WDR7: variants seen among roughly 807,000 people sequenced by gnomAD.
WDR7 encodes WD repeat domain 7.
In WDR7, 46 loss-of-function variants were observed where a neutral mutation model predicts 169.4. The ratio of observed to expected loss-of-function variants is 0.27; its 90% CI spans 0.21 to 0.35. The LOEUF (loss-of-function observed/expected upper bound fraction) is 0.35, where lower values mean the gene tolerates loss of function less well. Ranked by LOEUF, WDR7 falls within the 10% of genes least tolerant of loss-of-function variation. The pLI, the probability that WDR7 is intolerant of heterozygous loss-of-function variation, is 1.00. For missense variants in WDR7, 1,534 were observed against 1,859.3 expected, an observed-to-expected ratio of 0.83 and a Z score of 3.22; for synonymous variants, 612 against 666.8, an observed-to-expected ratio of 0.92 and a Z score of 1.27.
chr18:56,718,217 A>G (rs1461404773), intron 13 of WDR7, 58 bp downstream of exon 13: 45 of 1,358,618 alleles, frequency 3.3e-5, no homozygotes, highest in Non-Finnish European at 4.4e-5. Context: ...TTCATTTTCT[A>G]GAAATGAAAA....
intron 12 of WDR7, among the ~76,000 whole-genome samples, chr18:56,699,462 T>G (rs2144657943): frequency 6.6e-6 from 1 of 152,320 alleles, no homozygotes; most frequent in South Asian, 2.1e-4. Flanking sequence ...TAATTGTAGT[T>G]GAAAGATTAT....
chr18:56,790,816 C>G (rs1305626340), intron 19 of WDR7, among the ~76,000 whole-genome samples: 4 of 151,934 alleles, frequency 2.6e-5, no homozygotes, highest in Non-Finnish European at 5.9e-5. Context: ...CATTTGCAGA[C>G]TTGGTTAATA....
Position 57,027,368 on chromosome 18 carries a change from C to A in WDR7, c.*161C>A. On this transcript the variant is annotated 3_prime_UTR_variant, in exon 28 of 28. Transcript: ENST00000254442. Reference sequence around the variant, plus strand: ...GTCACTTGTGCATGCTTCTCAGGGGCAGAACCCGCTCGTGCCATCTGTCGA... The same window carrying A: ...GTCACTTGTGCATGCTTCTCAGGGGAAGAACCCGCTCGTGCCATCTGTCGA... The A allele has an allele frequency of 1.2e-6, 1 of 840,932 alleles. No homozygotes were observed. Among genetic ancestry groups the A allele is most frequent in the Non-Finnish European group, 1.8e-6 (1 of 551,990 alleles). 52.1% of individuals were successfully genotyped at this position (840,932 alleles called of 1,614,324 possible).
chr18:56,827,467 G>T (rs533766056), intron 20 of WDR7, among the ~76,000 whole-genome samples: 20 of 152,178 alleles, frequency 1.3e-4, no homozygotes, highest in African/African-American at 4.3e-4. Flanking sequence ...AATGTCGCCT[G>T]TTCTCATTTA....
rs1436923737 is a variant in WDR7 at position 56,737,746 on chromosome 18, T to C, written c.1989+6149T>C. 2.0e-5 allele frequency among the ~76,000 whole-genome samples: 3 copies of C among 152,322 alleles called. No homozygotes were observed. The East Asian group carries it at 5.8e-4, about 29-fold the overall frequency. ...ATTTGTACTGATTGAATAGACTTTA[T>C]GATTCACTGTGAAAAGGGCACTGTA... On this transcript the variant is annotated intron_variant, in intron 14 of 27. Coordinates refer to ENST00000254442, the MANE Select transcript of WDR7 (RefSeq NM_015285.3).
chr18:56,830,527 C>A (rs777117115), intron 20 of WDR7, among the ~76,000 whole-genome samples: 1 of 152,208 alleles, frequency 6.6e-6, no homozygotes, highest in Non-Finnish European at 1.5e-5. Flanking sequence ...CAGCCCAGTT[C>A]AGCGTGTCAC....
intron 14 of WDR7, among the ~76,000 whole-genome samples, chr18:56,734,589 C>T (rs916509878): frequency 1.3e-5 from 2 of 151,740 alleles, no homozygotes; most frequent in Non-Finnish European, 2.9e-5. Flanking sequence ...CCCTCTTTTC[C>T]CTTCCCTACC....
At chr18:56,745,427 G>A (rs56126047) in intron 14 of WDR7, among the ~76,000 whole-genome samples, 4,449 of 152,242 alleles carry the variant, frequency 0.029, 213 homozygotes, top group African/African-American at 0.1. Context: ...GACTGGTTTC[G>A]TGGAAGACGG....
chr18:56,660,427 T>G (rs1413704428), intron 1 of WDR7, among the ~76,000 whole-genome samples: 1 of 152,112 alleles, frequency 6.6e-6, no homozygotes, highest in African/African-American at 2.4e-5. Flanking sequence ...ATTTTGCATT[T>G]TAGATTTTTC....
intron 21 of WDR7, among the ~76,000 whole-genome samples, chr18:56,907,660 G>A (rs187020052): frequency 3.3e-5 from 5 of 152,276 alleles, no homozygotes; most frequent in Non-Finnish European, 5.9e-5. Flanking sequence ...AAACAGAAAT[G>A]TATTGCTCGG....
chr18:56,714,444 C>CTT (rs1192341254), intron 12 of WDR7, among the ~76,000 whole-genome samples: 45 of 130,234 alleles, frequency 3.5e-4, no homozygotes, highest in South Asian at 5.0e-4. Flanking sequence ...TTGGACGAAA[C>CTT]TTTTTTTTTT....
chr18:56,985,533 T>C (rs1354681508), intron 26 of WDR7, among the ~76,000 whole-genome samples: 1 of 152,128 alleles, frequency 6.6e-6, no homozygotes, highest in African/African-American at 2.4e-5. Flanking sequence ...TCAAAATGTC[T>C]TCCAAGATAC....
At chr18:56,976,241 A>G (rs922415034) in intron 26 of WDR7, among the ~76,000 whole-genome samples, 2 of 152,226 alleles carry the variant, frequency 1.3e-5, no homozygotes, top group Non-Finnish European at 2.9e-5. Flanking sequence ...TGTTAAATAT[A>G]TACATTAAGT....
At chr18:56,910,685 A>G (rs1290319045) in intron 21 of WDR7, among the ~76,000 whole-genome samples, 2 of 152,220 alleles carry the variant, frequency 1.3e-5, no homozygotes, top group Non-Finnish European at 2.9e-5. Flanking sequence ...TCATGTAAAC[A>G]TATAGATTTC....
At chr18:56,731,158 A>T (rs552480129) in intron 13 of WDR7, among the ~76,000 whole-genome samples, 7 of 152,174 alleles carry the variant, frequency 4.6e-5, no homozygotes, top group African/African-American at 1.7e-4. Flanking sequence ...TCTGAACTTG[A>T]CTTTATTGGG....
chr18:56,829,424 A>G (rs1343406004), intron 20 of WDR7, among the ~76,000 whole-genome samples: 3 of 152,150 alleles, frequency 2.0e-5, no homozygotes, highest in Non-Finnish European at 4.4e-5. Flanking sequence ...CCCCATGTGG[A>G]AAGTCTCCGT....
At chr18:56,934,466 T>G (rs1054001154) in intron 22 of WDR7, among the ~76,000 whole-genome samples, 1 of 151,828 alleles carries the variant, frequency 6.6e-6, no homozygotes, top group African/African-American at 2.4e-5. Context: ...ATGTGTGTGT[T>G]CTCTCAGCTC....
chr18:56,794,640 T>G (rs531422881), intron 19 of WDR7, among the ~76,000 whole-genome samples: 1 of 152,274 alleles, frequency 6.6e-6, no homozygotes, highest in South Asian at 2.1e-4. Context: ...AGCCAAAGCC[T>G]ACACTACACT....
chr18:56,737,264 C>T (rs914533508), intron 14 of WDR7, among the ~76,000 whole-genome samples: 1 of 152,166 alleles, frequency 6.6e-6, no homozygotes, highest in Non-Finnish European at 1.5e-5. Context: ...ATGGGCTGAG[C>T]ATATCCGGTG....
Sources: allele counts gnomAD v4.1 joint callset (sites outside exome capture counted in the v4.1 genomes callset), GRCh38; gene constraint gnomAD v4.1.1; transcripts MANE v1.5; gene names NCBI Gene and HGNC (gene_info 2026-07-23, HGNC 2026-07-21).